The following BPHL variants were observed in gnomAD, a reference collection of about 807,000 sequenced individuals.
BPHL encodes the protein serine hydrolase BPHL.
A neutral mutation model predicts 31.2 loss-of-function variants in BPHL; 27 were observed. The ratio of observed to expected loss-of-function variants is 0.87; its 90% CI spans 0.64 to 1.19. BPHL has a LOEUF of 1.19. Ranked by LOEUF, BPHL falls within the 50% of genes most tolerant of loss-of-function variation. The probability of loss-of-function intolerance (pLI) is 0.00; values close to 1 mark genes in which losing one functional copy is unlikely to be tolerated. For synonymous variants in BPHL, 150 were observed against 146.8 expected (o/e 1.02, Z -0.16); for missense variants, 356 against 375.7 (o/e 0.95, Z 0.43).
At chr6:3,135,297 G>C (rs2113760908) in intron 4 of BPHL, among the ~76,000 whole-genome samples, 1 of 152,328 alleles carries the variant, frequency 6.6e-6, no homozygotes, top group South Asian at 2.1e-4. Context: ...GTGTGGAAAT[G>C]GAAGTGGAAA....
At chr6:3,125,650 G>C (rs930290838) in intron 2 of BPHL, among the ~76,000 whole-genome samples, 3 of 152,038 alleles carry the variant, frequency 2.0e-5, no homozygotes, top group African/African-American at 7.2e-5. Flanking sequence ...CTCCTTCAGG[G>C]TACTTCCGTG....
Position 3,148,832 on chromosome 6 carries a change from T to C in BPHL, c.789-3656T>C, listed in dbSNP as rs112324366. Among the ~76,000 whole-genome samples, 553 of 152,326 alleles carry C rather than the reference T, an allele frequency of 3.6e-3. 3 individuals are homozygous for C. The highest frequency in any genetic ancestry group is 0.012 in the African/African-American group (519 of 41,566). On this transcript the variant is annotated intron_variant, in intron 6 of 6. Coordinates refer to ENST00000380379, the MANE Select transcript of BPHL (RefSeq NM_004332.4). ...CAGACAAATCTTACATGCAAGATTA[T>C]ATTAAAACCTCTCTTAAGAGAAGAA...
At chr6:3,126,410 T>C (rs925085795) in intron 2 of BPHL, among the ~76,000 whole-genome samples, 2 of 152,166 alleles carry the variant, frequency 1.3e-5, no homozygotes, top group Admixed American at 6.5e-5. Flanking sequence ...AATTAATTTG[T>C]ATACAGTTTC....
chr6:3,129,872 T>G (rs1761825725), intron 4 of BPHL, among the ~76,000 whole-genome samples: 1 of 150,912 alleles, frequency 6.6e-6, no homozygotes, highest in Non-Finnish European at 1.5e-5. Flanking sequence ...AGTCGTGCGA[T>G]CTCAGCTCAC....
intron 6 of BPHL, among the ~76,000 whole-genome samples, chr6:3,145,898 CGAGTGCTGGTTT>C (rs1431437262): frequency 1.6e-4 from 6 of 36,668 alleles, no homozygotes; most frequent in East Asian, 7.4e-4. Flanking sequence ...TGGTTTGGGT[CGAGTGCTGGTTT>C]GGGTTGGAGT....
intron 6 of BPHL, among the ~76,000 whole-genome samples, chr6:3,143,760 G>A (rs985850324): frequency 2.6e-5 from 4 of 152,228 alleles, no homozygotes; most frequent in African/African-American, 9.6e-5. Context: ...GATGCTGGGG[G>A]TCAGGATCTA....
Position 3,140,308 on chromosome 6 carries a change from G to A in BPHL, c.665-78G>A. 1 of 1,565,276 alleles carries A rather than the reference G, an allele frequency of 6.4e-7. No homozygotes were observed. Among genetic ancestry groups the A allele is most frequent in the Non-Finnish European group, 8.7e-7 (1 of 1,148,330 alleles). On this transcript the variant is annotated intron_variant, in intron 5 of 6. Coordinates refer to ENST00000380379, the MANE Select transcript of BPHL (RefSeq NM_004332.4). The surrounding 1 kb of genome is among the most constrained non-coding windows in gnomAD (Gnocchi z 5.2). ...GAAACTGAGGGCCAAGGAGGGGCAG[G>A]GCTCGCCGAGTTTCGCCTCCTCTGA... is the stretch of plus-strand genomic sequence containing the variant.
chr6:3,119,825 A>C (rs1028072379), intron 1 of BPHL, among the ~76,000 whole-genome samples: 7 of 152,228 alleles, frequency 4.6e-5, no homozygotes, highest in African/African-American at 1.7e-4. Flanking sequence ...AGGAGAAAAG[A>C]GGGCAAATCT....
intron 6 of BPHL, among the ~76,000 whole-genome samples, chr6:3,151,811 G>A (rs559888990): frequency 1.1e-4 from 16 of 152,340 alleles, no homozygotes; most frequent in African/African-American, 3.8e-4. Context: ...CTGTTGAAAG[G>A]AAGAAGCCTT....
At chr6:3,141,601 C>T (rs956914886) in intron 6 of BPHL, among the ~76,000 whole-genome samples, 1 of 152,154 alleles carries the variant, frequency 6.6e-6, no homozygotes, top group South Asian at 2.1e-4. Context: ...CTCCTGACCT[C>T]GTGATCCGCC....
At chr6:3,127,521 A>G (rs183454967) in intron 3 of BPHL, 113 bp downstream of exon 3, 4 of 922,048 alleles carry the variant, frequency 4.3e-6, no homozygotes, top group East Asian at 5.6e-5. Flanking sequence ...TGTGATTGCT[A>G]TAGAAAACCC....
chr6:3,128,001 A>G (rs913782960), intron 3 of BPHL, among the ~76,000 whole-genome samples: 1 of 151,996 alleles, frequency 6.6e-6, no homozygotes, highest in Admixed American at 6.6e-5. Context: ...TTGTATTTTT[A>G]GTAGAGACAG....
At chr6:3,118,955 G>T (rs761941014) in intron 1 of BPHL, 108 bp downstream of exon 1, 7 of 960,582 alleles carry the variant, frequency 7.3e-6, no homozygotes, top group Non-Finnish European at 9.5e-6. Context: ...GGCACGGGGC[G>T]TGGGCGCGGC....
At chr6:3,141,434 CT>C (rs1762172525) in intron 6 of BPHL, among the ~76,000 whole-genome samples, 1 of 152,180 alleles carries the variant, frequency 6.6e-6, no homozygotes, top group Admixed American at 6.5e-5. Context: ...GTGGCACGAT[CT>C]CGGCTAACTG....
intron 5 of BPHL, 68 bp downstream of exon 5, chr6:3,137,561 T>C: frequency 2.5e-6 from 4 of 1,592,270 alleles, no homozygotes; most frequent in Non-Finnish European, 3.4e-6. Context: ...CCCAGTGTTC[T>C]GGAATTGCTC....
At chr6:3,151,214 A>G (rs985744784) in intron 6 of BPHL, among the ~76,000 whole-genome samples, 1 of 152,068 alleles carries the variant, frequency 6.6e-6, no homozygotes, top group Non-Finnish European at 1.5e-5. Context: ...ATCCTTGGCA[A>G]TTCGTTCTTT....
chr6:3,126,037 G>A (rs913498409), intron 2 of BPHL, among the ~76,000 whole-genome samples: 5 of 152,196 alleles, frequency 3.3e-5, no homozygotes, highest in African/African-American at 4.8e-5. Context: ...CAGGGACCAC[G>A]TGGTGGGCTG....
rs200646380 is a variant in BPHL, at chr6:3,125,353, A to AT, written c.211+1602dup. On this transcript the variant is annotated intron_variant, in intron 2 of 6. Coordinates refer to ENST00000380379, the MANE Select transcript of BPHL (RefSeq NM_004332.4). ...AGCCACAGCACCTGTCCCCAATTTA[A>AT]TTTTTTTTTATGTAAAGTATTAGCA... 1.7e-3 allele frequency among the ~76,000 whole-genome samples: 259 copies of AT among 151,310 alleles called. 2 individuals are homozygous for AT. Among genetic ancestry groups the AT allele is most frequent in the Non-Finnish European group, 3.5e-3 (234 of 67,818 alleles).
intron 6 of BPHL, among the ~76,000 whole-genome samples, chr6:3,150,566 T>C: frequency 6.6e-6 from 1 of 152,228 alleles, no homozygotes; most frequent in East Asian, 1.9e-4. Context: ...AACTGAGCCA[T>C]GTGCTTAGCA....
Sources: allele counts gnomAD v4.1 joint callset (sites outside exome capture counted in the v4.1 genomes callset), GRCh38; gene constraint gnomAD v4.1.1; non-coding constraint Gnocchi (gnomAD v3.1); transcripts MANE v1.5; gene names NCBI Gene and HGNC (gene_info 2026-07-23, HGNC 2026-07-21).